The following FAM107B variants were observed in gnomAD, a reference collection of about 807,000 sequenced individuals.
FAM107B encodes the protein family with sequence similarity 107 member B.
A neutral mutation model predicts 31.5 loss-of-function variants in FAM107B; 21 were observed. The ratio of observed to expected loss-of-function variants is 0.67; its 90% confidence interval spans 0.47 to 0.96. FAM107B has a LOEUF of 0.96. FAM107B is among the 40% of genes least tolerant of loss of function. The pLI is 0.00. For synonymous variants in FAM107B, 157 were observed against 141.5 expected, an observed-to-expected ratio of 1.11 and a Z score of -0.78; for missense variants, 452 against 377.1, an observed-to-expected ratio of 1.20 and a Z score of -1.64.
chr10:14,652,749 A>C (rs988753377), intron 2 of FAM107B: 2 of 152,198 alleles, frequency 1.3e-5, no homozygotes, highest in Admixed American at 6.5e-5. Context: ...AAGACTATTT[A>C]AGGTAATACG....
At chr10:14,558,691 G>A (rs1849929426) in intron 2 of FAM107B, among the ~76,000 whole-genome samples, 1 of 152,084 alleles carries the variant, frequency 6.6e-6, no homozygotes, top group South Asian at 2.1e-4. Flanking sequence ...GAAAACTGGG[G>A]TTGGGTGGGG....
Position 14,531,598 on chromosome 10 carries a change from T to C in FAM107B, c.470-1083A>G, listed in dbSNP as rs200348482. ...GGCTCATATATGTAACCCCAGCACT[T>C]TGGGAGGCTAAGGTGGCTAGATCAC... On this transcript the variant is annotated intron_variant, in intron 2 of 4. Coordinates refer to ENST00000181796, the MANE Select transcript of FAM107B (RefSeq NM_031453.4). Among the ~76,000 whole-genome samples, 3 of 150,156 alleles carry C rather than the reference T, an allele frequency of 2.0e-5. No individual in the cohort carries two copies. The East Asian group carries it at 5.9e-4, about 29-fold the overall frequency.
chr10:14,657,511 AC>A (rs975619220), intron 2 of FAM107B, among the ~76,000 whole-genome samples: 16 of 151,720 alleles, frequency 1.1e-4, no homozygotes, highest in African/African-American at 3.2e-4. Context: ...CCAAATCTTC[AC>A]CCCCACCCCT....
chr10:14,768,913 T>A (rs755559608), intron 1 of FAM107B, among the ~76,000 whole-genome samples: 2 of 152,198 alleles, frequency 1.3e-5, no homozygotes, highest in Non-Finnish European at 2.9e-5. Flanking sequence ...GCTGTCCCTA[T>A]TAGGTTTATT....
intron 1 of FAM107B, among the ~76,000 whole-genome samples, chr10:14,710,576 T>A (rs1855623265): frequency 6.6e-6 from 1 of 152,072 alleles, no homozygotes; most frequent in East Asian, 1.9e-4. Context: ...TGGATGCCAT[T>A]CACAACAGTG....
At chr10:14,715,578 T>C (rs1855761382) in intron 1 of FAM107B, among the ~76,000 whole-genome samples, 1 of 152,202 alleles carries the variant, frequency 6.6e-6, no homozygotes, top group African/African-American at 2.4e-5. Context: ...GAGATTAGCA[T>C]GTTAATTAGG....
chr10:14,571,696 A>G (rs1851240274), intron 2 of FAM107B: 15 of 871,956 alleles, frequency 1.7e-5, no homozygotes, highest in Non-Finnish European at 2.1e-5. Flanking sequence ...CTAAGTTCAC[A>G]CAACATTTTC....
At chr10:14,602,349 G>A (rs936858798) in intron 2 of FAM107B, 2 of 152,108 alleles carry the variant, frequency 1.3e-5, no homozygotes, top group African/African-American at 4.8e-5. Flanking sequence ...ACTTCTAAAC[G>A]GTTGTCTCAA....
intron 1 of FAM107B, among the ~76,000 whole-genome samples, chr10:14,697,705 T>C (rs1267085776): frequency 2.0e-5 from 3 of 152,224 alleles, no homozygotes; most frequent in Non-Finnish European, 4.4e-5. Context: ...CTCGTGCACA[T>C]GGAGTTCCTG....
rs1271838658 is a variant in FAM107B at position 14,671,880 on chromosome 10, AAAAAC to A, written c.412-4194_412-4190del. 1.7e-4 allele frequency among the ~76,000 whole-genome samples: 9 copies of A among 53,086 alleles called. 1 individual carries two copies. The highest frequency in any genetic ancestry group is 6.1e-4 in the Admixed American group (3 of 4,958). 34.8% of individuals were successfully genotyped at this position (53,086 alleles called of 152,430 possible). On this transcript the variant is annotated intron_variant, in intron 1 of 4. Coordinates refer to ENST00000181796, the MANE Select transcript of FAM107B (RefSeq NM_031453.4). ...ATACACTCCCTTTTATTTAAAAAAA[AAAAAC>A]AAAAAAACAAAAAAAAAACCCTCTA...
At chr10:14,724,168 G>T in intron 1 of FAM107B, 2 of 456,454 alleles carry the variant, frequency 4.4e-6, no homozygotes, top group Non-Finnish European at 8.0e-6. Flanking sequence ...TCTTCTACGT[G>T]TCTTATATTT....
At chr10:14,553,776 C>T (rs11259180) in intron 2 of FAM107B, among the ~76,000 whole-genome samples, 2 of 152,220 alleles carry the variant, frequency 1.3e-5, no homozygotes, top group African/African-American at 4.8e-5. Flanking sequence ...AATTACTTAA[C>T]TAATATTAGC....
At chr10:14,661,729 T>A (rs1219387153) in intron 2 of FAM107B, 1 of 152,234 alleles carries the variant, frequency 6.6e-6, no homozygotes, top group African/African-American at 2.4e-5. Flanking sequence ...GAACTCTGAC[T>A]AGTTCAGGAA....
At chr10:14,708,626 T>A (rs541317236) in intron 1 of FAM107B, among the ~76,000 whole-genome samples, 4 of 151,932 alleles carry the variant, frequency 2.6e-5, no homozygotes, top group African/African-American at 2.4e-5. Context: ...AAAAAAAAAA[T>A]TGATAAGTTG....
intron 2 of FAM107B, among the ~76,000 whole-genome samples, chr10:14,579,468 C>T (rs1004708621): frequency 3.9e-5 from 6 of 152,206 alleles, no homozygotes; most frequent in African/African-American, 1.4e-4. Flanking sequence ...CAGAGGAAAC[C>T]AGTGAGAGGG....
chr10:14,629,964 CT>C (rs1480437150), intron 2 of FAM107B, among the ~76,000 whole-genome samples: 1 of 152,086 alleles, frequency 6.6e-6, no homozygotes, highest in Non-Finnish European at 1.5e-5. Flanking sequence ...ACACTTTCAA[CT>C]TGAGATACAT....
At chr10:14,770,214 A>G (rs73588551) in intron 1 of FAM107B, among the ~76,000 whole-genome samples, 19,243 of 152,068 alleles carry the variant, frequency 0.13, 3,347 homozygotes, top group African/African-American at 0.39. Context: ...GAAGAGCATA[A>G]TAACTACTGA....
At chr10:14,677,557 C>T (rs899596679) in intron 1 of FAM107B, among the ~76,000 whole-genome samples, 3 of 152,032 alleles carry the variant, frequency 2.0e-5, no homozygotes, top group Non-Finnish European at 4.4e-5. Context: ...GGAGGCGGAG[C>T]TTGCAGTGAG....
intron 2 of FAM107B, among the ~76,000 whole-genome samples, chr10:14,646,758 G>C (rs1027889008): frequency 2.7e-5 from 4 of 148,450 alleles, no homozygotes; most frequent in Admixed American, 6.7e-5. Context: ...GTTTTCCATT[G>C]AGGTTGTACT....
Sources: allele counts gnomAD v4.1 joint callset (sites outside exome capture counted in the v4.1 genomes callset), GRCh38; gene constraint gnomAD v4.1.1; transcripts MANE v1.5; gene names NCBI Gene and HGNC (gene_info 2026-07-23, HGNC 2026-07-21).